Variants in MAP7 observed in about 807,000 individuals in gnomAD.
MAP7 encodes ensconsin.
MAP7 carries 52 observed loss-of-function variants against 94.8 expected under a neutral mutation model. The observed-to-expected ratio is 0.55, with a 90% confidence interval of 0.44 to 0.69. The LOEUF is 0.69. Ranked by LOEUF, MAP7 falls within the 30% of genes least tolerant of loss-of-function variation. The pLI is 0.00. For missense variants in MAP7, 940 were observed against 964.6 expected (o/e 0.97, Z 0.34); for synonymous variants, 350 against 357.0 (o/e 0.98, Z 0.22).
At chr6:136,451,328 G>A (rs1398952311) in intron 1 of MAP7, among the ~76,000 whole-genome samples, 6 of 152,174 alleles carry the variant, frequency 3.9e-5, no homozygotes, top group Non-Finnish European at 8.8e-5. Flanking sequence ...TACTCTGCCT[G>A]TGCTCTATAA....
chr6:136,424,650 A>G (rs1464842043), intron 1 of MAP7, among the ~76,000 whole-genome samples: 1 of 152,214 alleles, frequency 6.6e-6, no homozygotes, highest in African/African-American at 2.4e-5. Flanking sequence ...GATTCCTTCC[A>G]ACGTCTTCCC....
At chr6:136,412,434 A>G (rs1396138186) in intron 2 of MAP7, among the ~76,000 whole-genome samples, 1 of 152,240 alleles carries the variant, frequency 6.6e-6, no homozygotes, top group African/African-American at 2.4e-5. Context: ...AGTACTATAC[A>G]TAGAATGAAA....
At chr6:136,488,021 TC>T (rs1815324172) in intron 1 of MAP7, among the ~76,000 whole-genome samples, 1 of 152,238 alleles carries the variant, frequency 6.6e-6, no homozygotes, top group South Asian at 2.1e-4. Context: ...TTATTTACTT[TC>T]ACATTATGTT....
chr6:136,486,292 C>T (rs1814732819), intron 1 of MAP7, among the ~76,000 whole-genome samples: 1 of 152,102 alleles, frequency 6.6e-6, no homozygotes, highest in Non-Finnish European at 1.5e-5. Context: ...ATCATGAACA[C>T]CAGAATGAAG....
At chr6:136,514,580 CAAAAAAAAAAA>C (rs1046225937) in intron 1 of MAP7, among the ~76,000 whole-genome samples, 100 of 49,054 alleles carry the variant, frequency 2.0e-3, no homozygotes, top group Middle Eastern at 0.014. Context: ...GACTCTGTCT[CAAAAAAAAAAA>C]AAAAAAAAAA....
At chr6:136,470,956 T>C (rs1808785262) in intron 1 of MAP7, among the ~76,000 whole-genome samples, 2 of 152,210 alleles carry the variant, frequency 1.3e-5, no homozygotes, top group Admixed American at 1.3e-4. Flanking sequence ...TAAATTTCAT[T>C]ATCATCATTA....
chr6:136,402,375 T>C (rs995585312), intron 3 of MAP7, among the ~76,000 whole-genome samples: 5 of 152,196 alleles, frequency 3.3e-5, no homozygotes, highest in South Asian at 2.1e-4. Flanking sequence ...TGGGCTTTGG[T>C]GACAACTCAA....
intron 1 of MAP7, among the ~76,000 whole-genome samples, chr6:136,439,657 C>T (rs545125626): frequency 1.1e-4 from 17 of 152,274 alleles, no homozygotes; most frequent in African/African-American, 3.9e-4. Context: ...CACTTTCTGA[C>T]CCTCTACATT....
intron 1 of MAP7, among the ~76,000 whole-genome samples, chr6:136,442,442 G>T: frequency 6.8e-6 from 1 of 147,826 alleles, no homozygotes. Context: ...ACTTAAAATA[G>T]TTCTTATAAA....
At chr6:136,381,710 T>C (rs1276321978) in intron 6 of MAP7, among the ~76,000 whole-genome samples, 2 of 152,066 alleles carry the variant, frequency 1.3e-5, no homozygotes, top group Non-Finnish European at 2.9e-5. Context: ...CTCTCAAATC[T>C]AGCGTTCTCC....
At chr6:136,421,306 C>T (rs929360050) in intron 2 of MAP7, among the ~76,000 whole-genome samples, 1 of 152,158 alleles carries the variant, frequency 6.6e-6, no homozygotes, top group Non-Finnish European at 1.5e-5. Context: ...CGCAATAATG[C>T]TTGTTGGACA....
chr6:136,534,094 T>C (rs1828692122), intron 1 of MAP7, among the ~76,000 whole-genome samples: 1 of 152,246 alleles, frequency 6.6e-6, no homozygotes, highest in Non-Finnish European at 1.5e-5. Flanking sequence ...GGGTAAAAAC[T>C]GTTAATTTTC....
At chr6:136,449,727 G>A (rs1007327436) in intron 1 of MAP7, among the ~76,000 whole-genome samples, 2 of 152,210 alleles carry the variant, frequency 1.3e-5, no homozygotes, top group South Asian at 4.1e-4. Context: ...TAATTTAAAG[G>A]GGGGCAGAAG....
intron 1 of MAP7, chr6:136,466,627 A>G: frequency 1.4e-6 from 1 of 733,374 alleles, no homozygotes; most frequent in Non-Finnish European, 2.0e-6. Flanking sequence ...TAAAAAAAAA[A>G]AGATTAGAAG....
intron 1 of MAP7, among the ~76,000 whole-genome samples, chr6:136,442,631 A>C (rs1471504690): frequency 6.6e-6 from 1 of 152,130 alleles, no homozygotes; most frequent in Non-Finnish European, 1.5e-5. Context: ...TTTGATGTAC[A>C]TCTCTGGTTT....
intron 1 of MAP7, among the ~76,000 whole-genome samples, chr6:136,440,795 A>G (rs1045691291): frequency 6.6e-6 from 1 of 151,116 alleles, no homozygotes; most frequent in African/African-American, 2.4e-5. Context: ...GGATGAAATT[A>G]TTTTATCTTA....
rs1829018806 is a variant in MAP7, at chr6:136,537,996, G to C, written c.67+12346C>G. On this transcript the variant is annotated intron_variant, in intron 1 of 17. Coordinates refer to ENST00000354570, the MANE Select transcript of MAP7 (RefSeq NM_003980.6). ...GAGGTTTCTCCACATTGGTGAGGCTGGTCTCGAACTCCCGACCTCGGGTGA... is the reference window on the plus strand; with the variant it reads ...GAGGTTTCTCCACATTGGTGAGGCTCGTCTCGAACTCCCGACCTCGGGTGA... Among the ~76,000 whole-genome samples the C allele has an allele frequency of 2.0e-5, 3 of 152,168 alleles. No individual in the cohort carries two copies. In the South Asian group the frequency reaches 6.2e-4, roughly 32 times the overall value.
chr6:136,455,006 C>T (rs1033195441), intron 1 of MAP7, among the ~76,000 whole-genome samples: 26 of 151,988 alleles, frequency 1.7e-4, no homozygotes, highest in African/African-American at 6.3e-4. Context: ...TTGCCTTAAA[C>T]TTATGCTACT....
intron 1 of MAP7, among the ~76,000 whole-genome samples, chr6:136,469,229 T>C (rs1808158467): frequency 6.6e-6 from 1 of 152,166 alleles, no homozygotes; most frequent in Non-Finnish European, 1.5e-5. Context: ...TGGTATTTTC[T>C]CAAGACTAAG....
Sources: allele counts gnomAD v4.1 joint callset (sites outside exome capture counted in the v4.1 genomes callset), GRCh38; gene constraint gnomAD v4.1.1; transcripts MANE v1.5; gene names NCBI Gene and HGNC (gene_info 2026-07-23, HGNC 2026-07-21).